The following NDST3 variants were observed in gnomAD, a reference collection of about 807,000 sequenced individuals.
NDST3 encodes bifunctional heparan sulfate N-deacetylase/N-sulfotransferase 3.
Under a neutral mutation model 96.1 loss-of-function variants are expected in NDST3, and 58 were observed. The observed-to-expected ratio is 0.60, with a 90% CI of 0.49 to 0.75. The LOEUF is 0.75. Ranked by LOEUF, NDST3 falls within the 30% of genes least tolerant of loss-of-function variation. NDST3 has a pLI of 0.00. For missense variants in NDST3, 788 were observed against 1,034.2 expected, an observed-to-expected ratio of 0.76 and a Z score of 3.27; for synonymous variants, 333 against 359.7, an observed-to-expected ratio of 0.93 and a Z score of 0.84.
intron 6 of NDST3, among the ~76,000 whole-genome samples, chr4:118,207,417 T>C (rs1738507437): frequency 6.9e-6 from 1 of 144,910 alleles, no homozygotes; most frequent in South Asian, 2.3e-4. Context: ...AGTGTAGATT[T>C]GCGTGCTTTA....
intron 12 of NDST3, 119 bp downstream of exon 12, chr4:118,242,268 A>G: frequency 1.7e-6 from 1 of 588,836 alleles, no homozygotes; most frequent in South Asian, 2.7e-5. Flanking sequence ...TTATTTTTCA[A>G]TTTGACATTA....
chr4:118,057,219 G>T (rs560585365), intron 2 of NDST3, among the ~76,000 whole-genome samples: 1 of 152,040 alleles, frequency 6.6e-6, no homozygotes, highest in Non-Finnish European at 1.5e-5. Context: ...GATGACTTTA[G>T]GATTTTTGGC....
At chr4:118,119,779 C>T (rs1196086752) in intron 4 of NDST3, among the ~76,000 whole-genome samples, 1 of 152,174 alleles carries the variant, frequency 6.6e-6, no homozygotes, top group African/African-American at 2.4e-5. Context: ...CCTGCTACCA[C>T]ATCAGATTCT....
chr4:118,189,593 AT>A (rs1341470019), intron 6 of NDST3, among the ~76,000 whole-genome samples: 1 of 152,116 alleles, frequency 6.6e-6, no homozygotes, highest in Non-Finnish European at 1.5e-5. Context: ...AATAATAGTC[AT>A]TTTTTTAGCC....
intron 6 of NDST3, among the ~76,000 whole-genome samples, chr4:118,145,004 A>C (rs1733842088): frequency 6.6e-6 from 1 of 152,218 alleles, no homozygotes. Context: ...GTATTCAAAA[A>C]TGGGGATAGT....
intron 1 of NDST3, among the ~76,000 whole-genome samples, chr4:118,039,406 G>T (rs1724322695): frequency 6.6e-6 from 1 of 152,018 alleles, no homozygotes; most frequent in Non-Finnish European, 1.5e-5. Flanking sequence ...TTTAGTAGAG[G>T]CCTTTTTTCA....
At chr4:118,153,782 C>T (rs1163828089) in intron 6 of NDST3, among the ~76,000 whole-genome samples, 4 of 152,090 alleles carry the variant, frequency 2.6e-5, no homozygotes, top group Admixed American at 6.5e-5. Context: ...CGAAATCGCA[C>T]CACTGCACTC....
At chr4:118,164,352 T>C (rs1275922715) in intron 6 of NDST3, among the ~76,000 whole-genome samples, 3 of 152,012 alleles carry the variant, frequency 2.0e-5, no homozygotes, top group Non-Finnish European at 4.4e-5. Context: ...GGGTTGAGGC[T>C]GGGAGGAGGG....
At chr4:118,220,691 T>C (rs1478042801) in intron 6 of NDST3, among the ~76,000 whole-genome samples, 2 of 152,008 alleles carry the variant, frequency 1.3e-5, no homozygotes, top group African/African-American at 4.8e-5. Context: ...GTTCTCTTTT[T>C]AGCAATCTTC....
At chr4:118,139,751 T>A (rs189869976) in intron 5 of NDST3, among the ~76,000 whole-genome samples, 17 of 152,300 alleles carry the variant, frequency 1.1e-4, no homozygotes, top group Admixed American at 9.8e-4. Flanking sequence ...TTAATTCAGT[T>A]CTGTAATTCA....
At chr4:118,218,803 A>G (rs1739357757) in intron 6 of NDST3, among the ~76,000 whole-genome samples, 1 of 152,084 alleles carries the variant, frequency 6.6e-6, no homozygotes, top group African/African-American at 2.4e-5. Flanking sequence ...CCATCGTCTC[A>G]GCTCCAAACT....
intron 6 of NDST3, among the ~76,000 whole-genome samples, chr4:118,160,341 C>T (rs1046278659): frequency 6.6e-6 from 1 of 152,036 alleles, no homozygotes; most frequent in African/African-American, 2.4e-5. Context: ...GGAGGAGCTT[C>T]TGCACAACAA....
At position 118,255,867 on chromosome 4, in the gene NDST3, A is replaced by C. The variant is rs892820144; in HGVS notation, c.*155A>C. 1.5e-5 allele frequency: 13 copies of C among 875,178 alleles called. No individual in the cohort carries two copies. Among genetic ancestry groups the C allele is most frequent in the Non-Finnish European group, 1.7e-6 (1 of 606,060 alleles). The allele number at this position is 875,178 out of a possible 1,614,324, so 54.2% of individuals were successfully genotyped here. ...GCTGGCACGTGGATGATTAGAAAAA[A>C]AGAAAAAGTATGTGTTACAAGCCTT... On this transcript the variant is annotated 3_prime_UTR_variant, in exon 14 of 14. Coordinates refer to ENST00000296499, the MANE Select transcript of NDST3 (RefSeq NM_004784.3).
At chr4:118,225,642 A>G (rs1435911055) in intron 7 of NDST3, among the ~76,000 whole-genome samples, 7 of 152,336 alleles carry the variant, frequency 4.6e-5, no homozygotes, top group Middle Eastern at 3.4e-3. Flanking sequence ...TGGTAAAACA[A>G]TAACAATCAT....
intron 3 of NDST3, among the ~76,000 whole-genome samples, chr4:118,107,908 T>C (rs1314558183): frequency 6.6e-6 from 1 of 152,196 alleles, no homozygotes; most frequent in African/African-American, 2.4e-5. Context: ...ATGCTGCTAA[T>C]AAACATATAC....
At chr4:118,251,119 A>AT (rs1741689359) in intron 12 of NDST3, among the ~76,000 whole-genome samples, 7 of 94,480 alleles carry the variant, frequency 7.4e-5, no homozygotes, top group Non-Finnish European at 1.5e-4. Context: ...TTTATTTATT[A>AT]TTTTTATTTT....
rs372152138 is a variant in NDST3, at chr4:118,203,862, T to A, written c.1540-20629T>A. ...CCTCTTAATCAACTTAGCCAATAAT[T>A]TTTTCCTACCTCAGCACACAAGAAA... On this transcript the variant is annotated intron_variant, in intron 6 of 13. Coordinates refer to ENST00000296499, the MANE Select transcript of NDST3 (RefSeq NM_004784.3). Among the ~76,000 whole-genome samples, 67 of 152,208 alleles carry A rather than the reference T, an allele frequency of 4.4e-4. 1 individual carries two copies. The South Asian group carries it at 0.013, about 31-fold the overall frequency.
rs534030355 is a variant in NDST3, at chr4:118,193,569, C to A, written c.1540-30922C>A. 5 of 1,105,764 alleles carry A rather than the reference C, an allele frequency of 4.5e-6. No homozygotes were observed. In the African/African-American group the frequency reaches 6.1e-5, roughly 14 times the overall value. The allele number at this position is 1,105,764 out of a possible 1,614,324, so 68.5% of individuals were successfully genotyped here. ...TTGGCGTAGAGCGTCTTCTCCCAGGCAAGCTGCCTGCAGATCTGCTGCTGG... is the reference window on the plus strand; with the variant it reads ...TTGGCGTAGAGCGTCTTCTCCCAGGAAAGCTGCCTGCAGATCTGCTGCTGG... On this transcript the variant is annotated intron_variant, in intron 6 of 13. Transcript: ENST00000296499.
intron 3 of NDST3, among the ~76,000 whole-genome samples, chr4:118,113,144 G>T (rs887632060): frequency 6.6e-6 from 1 of 152,088 alleles, no homozygotes; most frequent in African/African-American, 2.4e-5. Context: ...AATAGGTACT[G>T]CTGTCCATCT....
Sources: gnomAD v4.1 joint callset for allele counts (sites outside exome capture counted in the v4.1 genomes callset) on GRCh38, gnomAD v4.1.1 for gene constraint, MANE v1.5 for transcripts, NCBI Gene and HGNC (gene_info 2026-07-23, HGNC 2026-07-21) for gene names.